The following ZNF608 variants were observed in gnomAD, a reference collection of about 807,000 sequenced individuals.
ZNF608 encodes the protein zinc finger protein 608.
In ZNF608, 12 loss-of-function variants were observed where a neutral mutation model predicts 109.0. That is an observed-to-expected ratio of 0.11 (90% CI 0.07 to 0.18). The LOEUF (loss-of-function observed/expected upper bound fraction) is 0.18, where lower values mean the gene tolerates loss of function less well. ZNF608 is among the 10% of genes least tolerant of loss of function. ZNF608 has a pLI of 1.00. For missense variants in ZNF608, 1,707 were observed against 1,879.3 expected, an observed-to-expected ratio of 0.91 and a Z score of 1.70; for synonymous variants, 732 against 717.4, an observed-to-expected ratio of 1.02 and a Z score of -0.33.
At chr5:124,698,510 T>G (rs892036976) in intron 3 of ZNF608, among the ~76,000 whole-genome samples, 6 of 152,286 alleles carry the variant, frequency 3.9e-5, no homozygotes, top group Middle Eastern at 3.4e-3. Flanking sequence ...AGGCTGGGGC[T>G]GCCAACAGCC....
At chr5:124,711,767 G>A (rs966864969) in intron 2 of ZNF608, among the ~76,000 whole-genome samples, 1 of 152,208 alleles carries the variant, frequency 6.6e-6, no homozygotes, top group African/African-American at 2.4e-5. Flanking sequence ...GCACCAAGGG[G>A]GTGGGGCAGG....
chr5:124,706,973 C>A (rs182480270), intron 2 of ZNF608, among the ~76,000 whole-genome samples: 1 of 152,204 alleles, frequency 6.6e-6, no homozygotes, highest in East Asian at 1.9e-4. Context: ...ACACAGAGAG[C>A]GGCACTTAGT....
At chr5:124,687,099 T>C (rs1294147300) in intron 3 of ZNF608, among the ~76,000 whole-genome samples, 9 of 152,198 alleles carry the variant, frequency 5.9e-5, no homozygotes, top group Non-Finnish European at 1.2e-4. Context: ...ACAGCATATT[T>C]TTTAAATAGC....
chr5:124,669,436 G>T (rs1326009821), intron 3 of ZNF608, among the ~76,000 whole-genome samples: 2 of 152,144 alleles, frequency 1.3e-5, no homozygotes, highest in African/African-American at 4.8e-5. Flanking sequence ...TCATGGAGAT[G>T]GTTCAGCACC....
intron 3 of ZNF608, among the ~76,000 whole-genome samples, chr5:124,677,901 A>G (rs1366940316): frequency 6.6e-6 from 1 of 152,178 alleles, no homozygotes; most frequent in Non-Finnish European, 1.5e-5. Flanking sequence ...CTCAGACACC[A>G]GGAAGCAGCT....
At chr5:124,650,447 CAG>C (rs1750726891) in intron 3 of ZNF608, among the ~76,000 whole-genome samples, 2 of 152,222 alleles carry the variant, frequency 1.3e-5, no homozygotes. Flanking sequence ...GCATTTGCCT[CAG>C]AGGATTAGAA....
At chr5:124,670,048 A>T (rs1293350031) in intron 3 of ZNF608, among the ~76,000 whole-genome samples, 1 of 152,154 alleles carries the variant, frequency 6.6e-6, no homozygotes, top group East Asian at 1.9e-4. Context: ...CAAGGCTGAG[A>T]GCTTTTTATC....
chr5:124,739,576 A>ACTGTATAACCATT (rs756386974), intron 2 of ZNF608, among the ~76,000 whole-genome samples: 5 of 152,232 alleles, frequency 3.3e-5, no homozygotes, highest in Non-Finnish European at 5.9e-5. Context: ...GCCTGCAGGA[A>ACTGTATAACCATT]CTGTATAACC....
intron 2 of ZNF608, chr5:124,708,783 G>A (rs751671357): frequency 2.2e-6 from 1 of 456,184 alleles, no homozygotes; most frequent in South Asian, 1.5e-5. Flanking sequence ...ACTTGGCCTG[G>A]GGATGGACCA....
chr5:124,730,239 T>C (rs1477226975), intron 2 of ZNF608, among the ~76,000 whole-genome samples: 2 of 152,206 alleles, frequency 1.3e-5, no homozygotes, highest in Non-Finnish European at 1.5e-5. Flanking sequence ...TTTGAATACA[T>C]AGGGCATTTT....
At chr5:124,664,032 C>T (rs1345294212) in intron 3 of ZNF608, among the ~76,000 whole-genome samples, 1 of 152,100 alleles carries the variant, frequency 6.6e-6, no homozygotes, top group Non-Finnish European at 1.5e-5. Context: ...AACAAGAATG[C>T]AACATCATAG....
intron 3 of ZNF608, among the ~76,000 whole-genome samples, chr5:124,658,316 A>G (rs1411339553): frequency 1.3e-5 from 2 of 152,262 alleles, no homozygotes; most frequent in Non-Finnish European, 2.9e-5. Flanking sequence ...AAAGGAGGAC[A>G]GGAAGATAGA....
chr5:124,731,877 A>C (rs767480652), intron 2 of ZNF608, among the ~76,000 whole-genome samples: 1 of 152,204 alleles, frequency 6.6e-6, no homozygotes, highest in Admixed American at 6.5e-5. Flanking sequence ...AGTAAAATCC[A>C]GTCTCTTTCC....
At chr5:124,705,882 C>G (rs954098266) in intron 2 of ZNF608, among the ~76,000 whole-genome samples, 2 of 152,136 alleles carry the variant, frequency 1.3e-5, no homozygotes, top group Non-Finnish European at 2.9e-5. Flanking sequence ...CCCTAACAGT[C>G]AGCTCACCTC....
At chr5:124,672,925 G>T (rs1347039406) in intron 3 of ZNF608, among the ~76,000 whole-genome samples, 1 of 152,136 alleles carries the variant, frequency 6.6e-6, no homozygotes, top group East Asian at 1.9e-4. Flanking sequence ...GGCTTGTAGT[G>T]AGTATGAGGT....
intron 2 of ZNF608, chr5:124,710,317 T>G (rs1466677800): frequency 2.4e-6 from 1 of 422,642 alleles, no homozygotes; most frequent in African/African-American, 2.1e-5. Flanking sequence ...TTTTAGGGAA[T>G]CTCACTTGCA....
intron 3 of ZNF608, among the ~76,000 whole-genome samples, chr5:124,650,952 T>A (rs1750746199): frequency 6.6e-6 from 1 of 152,204 alleles, no homozygotes; most frequent in Non-Finnish European, 1.5e-5. Context: ...GTAAAATATT[T>A]CAATGGTTGG....
chr5:124,717,457 C>T (rs866644171), intron 2 of ZNF608, among the ~76,000 whole-genome samples: 3 of 152,086 alleles, frequency 2.0e-5, no homozygotes, highest in South Asian at 2.1e-4. Flanking sequence ...GGCGACAGAG[C>T]GAGACTCCAC....
chr5:124,700,382 A>C (rs1753003475), intron 3 of ZNF608, among the ~76,000 whole-genome samples: 1 of 152,244 alleles, frequency 6.6e-6, no homozygotes, highest in Non-Finnish European at 1.5e-5. Context: ...ATCCTGATCC[A>C]TTTCCTTTGA....
Sources: allele counts gnomAD v4.1 joint callset (sites outside exome capture counted in the v4.1 genomes callset), GRCh38; gene constraint gnomAD v4.1.1; transcripts MANE v1.5; gene names NCBI Gene and HGNC (gene_info 2026-07-23, HGNC 2026-07-21).